Variants in UBE2K observed in about 807,000 individuals in gnomAD.
The protein encoded by UBE2K is ubiquitin conjugating enzyme E2 K.
In UBE2K, 6 loss-of-function variants were observed where a neutral mutation model predicts 30.0. That is an observed-to-expected ratio of 0.20 (90% CI 0.11 to 0.39). The LOEUF is 0.39. UBE2K is among the 10% of genes least tolerant of loss of function. The pLI, the probability that UBE2K is intolerant of heterozygous loss-of-function variation, is 1.00. For synonymous variants in UBE2K, 86 were observed against 83.7 expected, an observed-to-expected ratio of 1.03 and a Z score of -0.15; for missense variants, 61 against 241.6, an observed-to-expected ratio of 0.25 and a Z score of 4.96.
At chr4:39,771,457 C>A in intron 4 of UBE2K, 1 of 1,567,400 alleles carries the variant, frequency 6.4e-7, no homozygotes, top group Non-Finnish European at 8.6e-7. Context: ...GTGGGCAACC[C>A]TGGCCCGGTT....
At chr4:39,742,784 G>GC (rs1348718197) in intron 2 of UBE2K, among the ~76,000 whole-genome samples, 1 of 152,016 alleles carries the variant, frequency 6.6e-6, no homozygotes, top group Non-Finnish European at 1.5e-5. Context: ...AATGGCTTAT[G>GC]CCTGTAATCC....
chr4:39,703,538 G>A (rs1718154977), intron 1 of UBE2K, among the ~76,000 whole-genome samples: 1 of 151,842 alleles, frequency 6.6e-6, no homozygotes, highest in Non-Finnish European at 1.5e-5. Context: ...ATGATTCCTG[G>A]CTATTTATTA....
intron 4 of UBE2K, among the ~76,000 whole-genome samples, chr4:39,773,483 A>ACTT (rs1713061088): frequency 6.6e-6 from 1 of 151,474 alleles, no homozygotes; most frequent in Non-Finnish European, 1.5e-5. Context: ...AATAAAAGAA[A>ACTT]AGAAAAAAGA....
intron 1 of UBE2K, among the ~76,000 whole-genome samples, chr4:39,712,164 G>T (rs1164456828): frequency 1.4e-5 from 2 of 142,340 alleles, no homozygotes. Flanking sequence ...TCACTCTGTT[G>T]CCCAGGCTGG....
chr4:39,738,176 G>A (rs1008425852), intron 2 of UBE2K, among the ~76,000 whole-genome samples: 6 of 152,090 alleles, frequency 3.9e-5, no homozygotes, highest in Non-Finnish European at 8.8e-5. Flanking sequence ...AGATTATATA[G>A]CATATAACCA....
intron 4 of UBE2K, chr4:39,770,765 A>C: frequency 6.3e-7 from 1 of 1,582,970 alleles, no homozygotes; most frequent in South Asian, 1.2e-5. Context: ...CCAGGCCTCC[A>C]GGGGGCTTGA....
At position 39,781,960 on chromosome 4, in the gene UBE2K, G is replaced by T. The variant is rs1367153148; in HGVS notation, c.*3526G>T. ...CTGATAAAATAGCCTTTATTCCCAA[G>T]TGTGACTTTTCTTCAGTGTCTACAT... is the stretch of plus-strand genomic sequence containing the variant. On this transcript the variant is annotated 3_prime_UTR_variant, in exon 7 of 7. Transcript: ENST00000261427. 51 of 398,350 alleles carry T rather than the reference G, an allele frequency of 1.3e-4. No individual in the cohort carries two copies. Among genetic ancestry groups the T allele is most frequent in the Non-Finnish European group, 1.1e-4 (25 of 225,946 alleles). The allele number at this position is 398,350 out of a possible 1,614,324, so 24.7% of individuals were successfully genotyped here. A position where few individuals can be genotyped will look rare whatever the true frequency, so the allele number is the denominator to read the frequency against.
At chr4:39,752,123 T>C (rs1488096750) in intron 3 of UBE2K, among the ~76,000 whole-genome samples, 2 of 152,106 alleles carry the variant, frequency 1.3e-5, no homozygotes, top group Admixed American at 6.6e-5. Flanking sequence ...ATGGGGTTTT[T>C]TGTATGTGTT....
intron 1 of UBE2K, chr4:39,714,542 A>ATTTTTTTTTTT (rs1275060030): frequency 1.1e-3 from 22 of 20,192 alleles, no homozygotes; most frequent in Admixed American, 2.0e-3. Flanking sequence ...ATATATATAT[A>ATTTTTTTTTTT]TATATATATT....
At chr4:39,753,100 A>G (rs1166151131) in intron 3 of UBE2K, among the ~76,000 whole-genome samples, 1 of 152,220 alleles carries the variant, frequency 6.6e-6, no homozygotes, top group Non-Finnish European at 1.5e-5. Flanking sequence ...TTACAAAGCA[A>G]TGTTTGATGT....
intron 1 of UBE2K, among the ~76,000 whole-genome samples, chr4:39,703,285 G>A (rs1718139097): frequency 6.6e-6 from 1 of 152,054 alleles, no homozygotes; most frequent in South Asian, 2.1e-4. Flanking sequence ...TTAGGAGGCT[G>A]AGACTCGATT....
intron 1 of UBE2K, among the ~76,000 whole-genome samples, chr4:39,707,988 C>A (rs1346861350): frequency 2.0e-5 from 3 of 151,946 alleles, no homozygotes; most frequent in Non-Finnish European, 4.4e-5. Context: ...CCTCTGCCTC[C>A]CGGGTTCAAG....
intron 2 of UBE2K, among the ~76,000 whole-genome samples, chr4:39,742,468 G>A (rs1008263774): frequency 6.6e-6 from 1 of 152,152 alleles, no homozygotes; most frequent in African/African-American, 2.4e-5. Flanking sequence ...GAGGCATAAC[G>A]GCTCATGCCT....
At position 39,755,692 on chromosome 4, in the gene UBE2K, T is replaced by G; in HGVS notation, c.252T>G (p.Ile84Met). 6.3e-7 allele frequency: 1 copy of G among 1,599,732 alleles called. No individual in the cohort carries two copies. The highest frequency in any genetic ancestry group is 8.5e-7 in the Non-Finnish European group (1 of 1,176,606). The change falls in exon 4 of 7, where the codon ATT (isoleucine) becomes ATG (methionine). Residue 84 changes from isoleucine (I) to methionine (M), a missense_variant. Coordinates refer to ENST00000261427, the MANE Select transcript of UBE2K (RefSeq NM_005339.5). ...TCACTAAAATATGGCATCCTAATAT[T>G]AGTTCCGTCACAGGGGCTATTTGTT... ...RFITKIWHPN[I>M]SSVTGAICLD... is the part of the protein sequence containing the mutation.
intron 3 of UBE2K, among the ~76,000 whole-genome samples, chr4:39,749,048 T>C (rs1254614336): frequency 6.6e-6 from 1 of 152,236 alleles, no homozygotes; most frequent in African/African-American, 2.4e-5. Context: ...TTAAGTCTTA[T>C]GAGGTAAAAT....
intron 1 of UBE2K, among the ~76,000 whole-genome samples, chr4:39,709,194 C>T (rs571645311): frequency 2.0e-5 from 3 of 151,974 alleles, no homozygotes; most frequent in Admixed American, 6.6e-5. Context: ...ATTCAGTAAA[C>T]GGATAGCTGT....
chr4:39,743,058 A>G (rs1010862004), intron 2 of UBE2K, among the ~76,000 whole-genome samples: 4 of 151,944 alleles, frequency 2.6e-5, no homozygotes, highest in Middle Eastern at 3.2e-3. Flanking sequence ...AAAAAAAAAA[A>G]AGAGAAGGAT....
chr4:39,732,951 C>T (rs558303054), intron 1 of UBE2K, among the ~76,000 whole-genome samples: 1 of 149,634 alleles, frequency 6.7e-6, no homozygotes, highest in African/African-American at 2.5e-5. Context: ...ACTGGAATTA[C>T]AGGGGTGAAA....
chr4:39,714,550 A>ATATATATATATATATATTTT, intron 1 of UBE2K: 1 of 17,850 alleles, frequency 5.6e-5, no homozygotes, highest in Non-Finnish European at 8.7e-5. Flanking sequence ...ATATATATAT[A>ATATATATATATATATATTTT]TTTTTTTTTT....
Sources: gnomAD v4.1 joint callset for allele counts (sites outside exome capture counted in the v4.1 genomes callset) on GRCh38, gnomAD v4.1.1 for gene constraint, MANE v1.5 for transcripts, NCBI Gene and HGNC (gene_info 2026-07-23, HGNC 2026-07-21) for gene names.